Variants in GSN observed in about 807,000 individuals in gnomAD.
GSN encodes the protein gelsolin.
Under a neutral mutation model 85.7 loss-of-function variants are expected in GSN, and 56 were observed. The observed-to-expected ratio is 0.65, with a 90% confidence interval of 0.53 to 0.82. GSN has a LOEUF of 0.82. GSN is among the 40% of genes least tolerant of loss of function. The pLI, the probability that GSN is intolerant of heterozygous loss-of-function variation, is 0.00. For missense variants in GSN, 857 were observed against 979.8 expected, an observed-to-expected ratio of 0.87 and a Z score of 1.67; for synonymous variants, 373 against 399.1, an observed-to-expected ratio of 0.93 and a Z score of 0.78.
At chr9:121,314,090 C>T in intron 7 of GSN, 67 bp downstream of exon 7, 5 of 1,210,074 alleles carry the variant, frequency 4.1e-6, no homozygotes, top group Non-Finnish European at 3.7e-6. Flanking sequence ...ACTTGGTCTT[C>T]CCCACTCCAC....
At chr9:121,235,845 ATTATAC>A (rs796894569) in intron 5 of GSN, among the ~76,000 whole-genome samples, 12 of 152,304 alleles carry the variant, frequency 7.9e-5, no homozygotes, top group African/African-American at 2.9e-4. Context: ...CCTGGCTCCT[ATTATAC>A]TTAGGCAAAA....
intron 4 of GSN, among the ~76,000 whole-genome samples, chr9:121,215,222 C>A (rs1046437867): frequency 6.7e-6 from 1 of 150,178 alleles, no homozygotes; most frequent in African/African-American, 2.4e-5. Context: ...AGGACCCCCC[C>A]CCCCACACTC....
chr9:121,296,347 C>G (rs1023072569), intron 2 of GSN, among the ~76,000 whole-genome samples: 1 of 152,222 alleles, frequency 6.6e-6, no homozygotes, highest in African/African-American at 2.4e-5. Context: ...AGGTGGCATG[C>G]TGCTATCAGT....
intron 1 of GSN, among the ~76,000 whole-genome samples, chr9:121,276,401 T>G (rs1016075751): frequency 6.6e-6 from 1 of 152,182 alleles, no homozygotes; most frequent in Non-Finnish European, 1.5e-5. Flanking sequence ...CCAGCTGAGG[T>G]GGCCCCAAGG....
upstream of GSN, chr9:121,203,450 T>C (rs967653911): frequency 3.3e-5 from 5 of 152,308 alleles, no homozygotes; most frequent in Non-Finnish European, 7.3e-5. Flanking sequence ...TAAATAAATA[T>C]TCATTTTTGT....
chr9:121,269,749 G>A (rs760570810), intron 1 of GSN, among the ~76,000 whole-genome samples: 2 of 152,218 alleles, frequency 1.3e-5, no homozygotes, highest in Admixed American at 6.5e-5. Context: ...TGAATCAGGG[G>A]AGGAAAGTTT....
chr9:121,323,885 G>C (rs1398628807), intron 11 of GSN, among the ~76,000 whole-genome samples: 1 of 150,064 alleles, frequency 6.7e-6, no homozygotes, highest in Non-Finnish European at 1.5e-5. Context: ...TTTTTTTTTT[G>C]ACTAGATAAC....
chr9:121,265,124 T>G (rs1199887511), upstream of GSN: 2 of 152,228 alleles, frequency 1.3e-5, no homozygotes, highest in Non-Finnish European at 2.9e-5. Context: ...ATCCCTTGTA[T>G]GAAATCCCTG....
At chr9:121,321,528 T>G (rs2062450731) in intron 11 of GSN, 127 bp downstream of exon 11, 3 of 814,484 alleles carry the variant, frequency 3.7e-6, no homozygotes, top group Admixed American at 4.8e-5. Flanking sequence ...GAGGCTTTTG[T>G]CCACAGGGCA....
chr9:121,326,420 T>G lies in GSN; in HGVS notation c.1417-92T>G, dbSNP rs1363913163. 8.9e-6 allele frequency: 9 copies of G among 1,012,114 alleles called. No homozygotes were observed. The South Asian group carries it at 1.2e-4, about 13-fold the overall frequency. The allele number at this position is 1,012,114 out of a possible 1,614,324, so 62.7% of individuals were successfully genotyped here. A position where few individuals can be genotyped will look rare whatever the true frequency, so the allele number is the denominator to read the frequency against. On this transcript the variant is annotated intron_variant, in intron 12 of 17. Coordinates refer to ENST00000432226, the MANE Select transcript of GSN (RefSeq NM_198252.3). ...ATGCCACACACAGACACAAGCATGA[T>G]GGCTTCGTCTGGAGGGATGGGCCCA... is the stretch of plus-strand genomic sequence containing the variant.
intron 4 of GSN, among the ~76,000 whole-genome samples, chr9:121,216,819 C>A (rs2054072681): frequency 6.6e-6 from 1 of 152,196 alleles, no homozygotes. Flanking sequence ...GTGGCTTAAA[C>A]AACAGAAAAT....
rs2063681525 is a variant in GSN, at chr9:121,329,775, G to A, written c.1965+460G>A. On this transcript the variant is annotated intron_variant, in intron 16 of 17. Transcript: ENST00000432226. The surrounding 1 kb of genome is among the most constrained non-coding windows in gnomAD (Gnocchi z 4.6). ...ATCTCCTAGAGAAGGCCATTATGTAGGACTTGGCAGGGGAAGATGCCATTC... is the reference window on the plus strand; with the variant it reads ...ATCTCCTAGAGAAGGCCATTATGTAAGACTTGGCAGGGGAAGATGCCATTC... 6.6e-6 allele frequency among the ~76,000 whole-genome samples: 1 copy of A among 152,182 alleles called. No individual in the cohort carries two copies. Among genetic ancestry groups the A allele is most frequent in the South Asian group, 2.1e-4 (1 of 4,836 alleles).
rs1039303732 is a variant in GSN, at chr9:121,326,851, C to T, written c.1587+169C>T. ...GCCACAGGGTTGTCTGTCTTAGACTCCCCCCTGTTTCAAGGATACCCAGTG... is the reference window on the plus strand; with the variant it reads ...GCCACAGGGTTGTCTGTCTTAGACTTCCCCCTGTTTCAAGGATACCCAGTG... On this transcript the variant is annotated intron_variant, in intron 13 of 17. Coordinates refer to ENST00000432226, the MANE Select transcript of GSN (RefSeq NM_198252.3). The T allele has an allele frequency of 4.7e-5, 37 of 779,892 alleles. No homozygotes were observed. In the Middle Eastern group the frequency reaches 1.5e-3, roughly 31 times the overall value. The allele number at this position is 779,892 out of a possible 1,614,324, so 48.3% of individuals were successfully genotyped here.
At chr9:121,249,701 A>G (rs1019417848) in intron 6 of GSN, among the ~76,000 whole-genome samples, 12 of 152,150 alleles carry the variant, frequency 7.9e-5, no homozygotes, top group Admixed American at 5.9e-4. Context: ...TTCCTCAATA[A>G]ACAAGGTCAT....
chr9:121,274,847 T>C (rs2056472236), intron 1 of GSN, among the ~76,000 whole-genome samples: 1 of 152,214 alleles, frequency 6.6e-6, no homozygotes, highest in South Asian at 2.1e-4. Context: ...GATGAGGGGT[T>C]CTGGCTAAAC....
chr9:121,299,889 C>T lies in GSN; in HGVS notation c.-9-2074C>T. 2.3e-6 allele frequency: 3 copies of T among 1,317,530 alleles called. No homozygotes were observed. Among genetic ancestry groups the T allele is most frequent in the Non-Finnish European group, 2.9e-6 (3 of 1,024,246 alleles). The allele number at this position is 1,317,530 out of a possible 1,614,324, so 81.6% of individuals were successfully genotyped here. On this transcript the variant is annotated intron_variant, in intron 2 of 17. Coordinates refer to ENST00000432226, the MANE Select transcript of GSN (RefSeq NM_198252.3). The surrounding 1 kb of genome is among the most constrained non-coding windows in gnomAD (Gnocchi z 4.2). Reference sequence around the variant, plus strand: ...GGCTCCGCACCGCCCCGCGCCCGCGCTGCTTTGCGCGCTGTCCCTGGCGCT... The same window carrying T: ...GGCTCCGCACCGCCCCGCGCCCGCGTTGCTTTGCGCGCTGTCCCTGGCGCT...
chr9:121,322,912 C>G (rs74610849), intron 11 of GSN, among the ~76,000 whole-genome samples: 12,301 of 150,696 alleles, frequency 0.082, 714 homozygotes, highest in Non-Finnish European at 0.12. Context: ...CTCACCACAA[C>G]CTCTGCCCCC....
chr9:121,301,625 CAAAAAAAAAAA>C (rs753963979), intron 2 of GSN, among the ~76,000 whole-genome samples: 9 of 56,002 alleles, frequency 1.6e-4, no homozygotes, highest in Non-Finnish European at 3.9e-4. Context: ...GACTCTGTCT[CAAAAAAAAAAA>C]AAAAAAAAGA....
At chr9:121,263,692 A>G (rs2055134890), upstream of GSN, among the ~76,000 whole-genome samples, 1 of 152,092 alleles carries the variant, frequency 6.6e-6, no homozygotes, top group South Asian at 2.1e-4. Context: ...GGAGTTCGAG[A>G]CCAGCCTGAC....
Sources: allele counts gnomAD v4.1 joint callset (sites outside exome capture counted in the v4.1 genomes callset), GRCh38; gene constraint gnomAD v4.1.1; non-coding constraint Gnocchi (gnomAD v3.1); transcripts MANE v1.5; gene names NCBI Gene and HGNC (gene_info 2026-07-23, HGNC 2026-07-21).